The following SPOCK3 variants were observed in gnomAD, a reference collection of about 807,000 sequenced individuals.
SPOCK3 encodes testican-3.
In SPOCK3, 30 loss-of-function variants were observed where a neutral mutation model predicts 56.6. The ratio of observed to expected loss-of-function variants is 0.53; its 90% CI spans 0.40 to 0.72. The LOEUF (loss-of-function observed/expected upper bound fraction) is 0.72, where lower values mean the gene tolerates loss of function less well. Ranked by LOEUF, SPOCK3 falls within the 30% of genes least tolerant of loss-of-function variation. The pLI is 0.00. For synonymous variants in SPOCK3, 196 were observed against 183.3 expected (o/e 1.07, Z -0.56); for missense variants, 527 against 530.0 (o/e 0.99, Z 0.06).
In SPOCK3 at chr4:166,885,314, G is replaced by A. The variant is rs36089373; in HGVS notation, c.589+3816C>T. Among the ~76,000 whole-genome samples, 17 of 151,276 alleles carry A rather than the reference G, an allele frequency of 1.1e-4. No individual in the cohort carries two copies. In the South Asian group the frequency reaches 2.7e-3, roughly 24 times the overall value. On this transcript the variant is annotated intron_variant, in intron 6 of 10. Coordinates refer to ENST00000357545, the MANE Select transcript of SPOCK3 (RefSeq NM_001040159.2). ...CTTCAAACAAACAAACAAAAAAATT[G>A]TCTCAGTAACATAATAAATTTCTCT... is the stretch of plus-strand genomic sequence containing the variant.
chr4:167,230,862 A>G (rs1482639139), intron 2 of SPOCK3, among the ~76,000 whole-genome samples: 1 of 152,164 alleles, frequency 6.6e-6, no homozygotes, highest in Non-Finnish European at 1.5e-5. Context: ...ACTTTATTCA[A>G]CAGACATTGC....
At chr4:166,770,392 G>A (rs1003907173) in intron 7 of SPOCK3, among the ~76,000 whole-genome samples, 5 of 152,062 alleles carry the variant, frequency 3.3e-5, no homozygotes, top group African/African-American at 4.8e-5. Flanking sequence ...GATAATCCAG[G>A]ATAATCTCCT....
At chr4:166,820,086 T>C (rs189598131) in intron 6 of SPOCK3, among the ~76,000 whole-genome samples, 4 of 152,124 alleles carry the variant, frequency 2.6e-5, no homozygotes, top group Admixed American at 2.6e-4. Context: ...AGGCAATGCC[T>C]ATCAAATTCT....
chr4:166,939,490 C>T (rs912921824), intron 4 of SPOCK3, among the ~76,000 whole-genome samples: 4 of 151,776 alleles, frequency 2.6e-5, no homozygotes, highest in Non-Finnish European at 5.9e-5. Flanking sequence ...TTAAAGAAGA[C>T]CAAATAGATG....
chr4:166,818,162 TTAACA>T (rs1414984834), intron 6 of SPOCK3, among the ~76,000 whole-genome samples: 1 of 152,022 alleles, frequency 6.6e-6, no homozygotes, highest in African/African-American at 2.4e-5. Context: ...TCTAAGTCAC[TTAACA>T]TAATATTCCC....
Position 166,870,467 on chromosome 4 carries a change from C to T in SPOCK3, c.589+18663G>A, listed in dbSNP as rs149811500. 2.6e-5 allele frequency among the ~76,000 whole-genome samples: 4 copies of T among 151,802 alleles called. No individual in the cohort carries two copies. In the East Asian group the frequency reaches 7.8e-4, roughly 29 times the overall value. On this transcript the variant is annotated intron_variant, in intron 6 of 10. Coordinates refer to ENST00000357545, the MANE Select transcript of SPOCK3 (RefSeq NM_001040159.2). ...AGAATACATTCTGGGCCATAAAACA[C>T]ACAATAAAAATGTAATATAATAAAA...
At chr4:167,158,939 A>G (rs1765046807) in intron 2 of SPOCK3, among the ~76,000 whole-genome samples, 1 of 152,026 alleles carries the variant, frequency 6.6e-6, no homozygotes, top group Non-Finnish European at 1.5e-5. Flanking sequence ...GAAGGAAGGC[A>G]GAGCTAGTTA....
chr4:166,741,718 T>G (rs1469945211), intron 9 of SPOCK3, among the ~76,000 whole-genome samples: 1 of 152,204 alleles, frequency 6.6e-6, no homozygotes, highest in Non-Finnish European at 1.5e-5. Context: ...TTGAACTGAA[T>G]TTTCTGCTGA....
intron 6 of SPOCK3, among the ~76,000 whole-genome samples, chr4:166,876,093 C>T (rs1733053055): frequency 6.6e-6 from 1 of 152,114 alleles, no homozygotes; most frequent in African/African-American, 2.4e-5. Flanking sequence ...TCGCTGTTGC[C>T]TTGGAAGAAG....
At chr4:167,155,786 T>G (rs1043424243) in intron 2 of SPOCK3, among the ~76,000 whole-genome samples, 1 of 152,098 alleles carries the variant, frequency 6.6e-6, no homozygotes, top group Non-Finnish European at 1.5e-5. Context: ...CTGTATCTAA[T>G]AGAAATACTA....
At chr4:166,849,952 A>G (rs779201830) in intron 6 of SPOCK3, among the ~76,000 whole-genome samples, 1 of 152,160 alleles carries the variant, frequency 6.6e-6, no homozygotes, top group Non-Finnish European at 1.5e-5. Flanking sequence ...TCATTTATGT[A>G]TATATCACAT....
intron 2 of SPOCK3, among the ~76,000 whole-genome samples, chr4:167,159,710 TC>T (rs1242742094): frequency 6.6e-6 from 1 of 152,128 alleles, no homozygotes; most frequent in Non-Finnish European, 1.5e-5. Context: ...CTGGGCTTCA[TC>T]CCTGGGATGC....
intron 7 of SPOCK3, among the ~76,000 whole-genome samples, chr4:166,769,728 C>T (rs899323434): frequency 2.0e-5 from 3 of 152,158 alleles, no homozygotes; most frequent in African/African-American, 7.2e-5. Flanking sequence ...CAGACAGGGA[C>T]ATTTAAGTCT....
At chr4:167,219,806 T>C (rs1195103022) in intron 2 of SPOCK3, among the ~76,000 whole-genome samples, 1 of 152,176 alleles carries the variant, frequency 6.6e-6, no homozygotes, top group East Asian at 1.9e-4. Flanking sequence ...AAATTTATAT[T>C]TTCTTCAGTG....
chr4:167,140,792 T>G (rs568269666), intron 2 of SPOCK3, among the ~76,000 whole-genome samples: 24 of 152,132 alleles, frequency 1.6e-4, no homozygotes, highest in African/African-American at 5.1e-4. Flanking sequence ...TGGGCTTATT[T>G]ATTTTCCCTG....
chr4:167,034,698 A>G (rs17052875), intron 3 of SPOCK3, among the ~76,000 whole-genome samples: 4,052 of 152,234 alleles, frequency 0.027, 161 homozygotes, highest in African/African-American at 0.091. Flanking sequence ...AATTTAACTT[A>G]AGCCAACAAT....
At chr4:167,158,110 C>G (rs1764968525) in intron 2 of SPOCK3, among the ~76,000 whole-genome samples, 1 of 151,734 alleles carries the variant, frequency 6.6e-6, no homozygotes, top group East Asian at 1.9e-4. Context: ...TGTTTATAGT[C>G]TGAGGAGGAT....
chr4:167,199,694 A>AAAT (rs200479070), intron 2 of SPOCK3, among the ~76,000 whole-genome samples: 13,533 of 141,456 alleles, frequency 0.096, 726 homozygotes, highest in East Asian at 0.15. Context: ...TGTGTGAAAT[A>AAAT]AATAATAATA....
At chr4:166,763,941 T>C (rs982712252) in intron 7 of SPOCK3, among the ~76,000 whole-genome samples, 1 of 152,082 alleles carries the variant, frequency 6.6e-6, no homozygotes, top group Non-Finnish European at 1.5e-5. Flanking sequence ...GTATCTGCAG[T>C]TCCTTTCTTG....
Sources: gnomAD v4.1 joint callset for allele counts (sites outside exome capture counted in the v4.1 genomes callset) on GRCh38, gnomAD v4.1.1 for gene constraint, MANE v1.5 for transcripts, NCBI Gene and HGNC (gene_info 2026-07-23, HGNC 2026-07-21) for gene names.